PAPPA2: variants seen among roughly 807,000 people sequenced by gnomAD.
PAPPA2 encodes pappalysin 2.
Under a neutral mutation model 176.4 loss-of-function variants are expected in PAPPA2, and 86 were observed. That is an observed-to-expected ratio of 0.49 (90% CI 0.41 to 0.58). The LOEUF is 0.58. PAPPA2 is among the 20% of genes least tolerant of loss of function. The pLI is 0.00. For synonymous variants in PAPPA2, 809 were observed against 852.2 expected, an observed-to-expected ratio of 0.95 and a Z score of 0.88; for missense variants, 2,073 against 2,256.9, an observed-to-expected ratio of 0.92 and a Z score of 1.65.
chr1:176,508,412 A>G (rs1210973345), intron 1 of PAPPA2, among the ~76,000 whole-genome samples: 1 of 152,196 alleles, frequency 6.6e-6, no homozygotes, highest in African/African-American at 2.4e-5. Context: ...GAGGATAAAA[A>G]TGACATATAG....
At chr1:176,716,297 G>A (rs1661368765) in intron 12 of PAPPA2, among the ~76,000 whole-genome samples, 1 of 149,268 alleles carries the variant, frequency 6.7e-6, no homozygotes, top group South Asian at 2.1e-4. Flanking sequence ...CTGGGCTGGA[G>A]TGCAATGGCG....
intron 1 of PAPPA2, among the ~76,000 whole-genome samples, chr1:176,524,733 T>TA (rs1277091738): frequency 6.6e-6 from 1 of 152,192 alleles, no homozygotes; most frequent in Non-Finnish European, 1.5e-5. Flanking sequence ...CATAAAATGT[T>TA]ACAGCCTTGG....
chr1:176,830,847 A>G (rs1175350765), intron 21 of PAPPA2, among the ~76,000 whole-genome samples: 3 of 152,224 alleles, frequency 2.0e-5, no homozygotes, highest in Admixed American at 2.0e-4. Context: ...AAGCCTGGCA[A>G]TGAGTCCACC....
Position 176,793,683 on chromosome 1 carries a change from C to T in PAPPA2, c.5130+14C>T. The T allele has an allele frequency of 6.4e-7, 1 of 1,562,786 alleles. No individual in the cohort carries two copies. Among genetic ancestry groups the T allele is most frequent in the Non-Finnish European group, 8.8e-7 (1 of 1,139,828 alleles). On this transcript the variant is annotated intron_variant, in intron 20 of 22. Coordinates refer to ENST00000367662, the MANE Select transcript of PAPPA2 (RefSeq NM_020318.3). ...GTCAAAGTCCAGGTGAGGAAAGGGA[C>T]ATTGTTATGTGCCAAAGACATGAGT...
intron 12 of PAPPA2, among the ~76,000 whole-genome samples, chr1:176,718,686 G>T (rs1490921208): frequency 1.3e-5 from 2 of 149,852 alleles, no homozygotes; most frequent in Non-Finnish European, 1.5e-5. Context: ...AACATATGTG[G>T]ATTTGGGGTA....
intron 3 of PAPPA2, among the ~76,000 whole-genome samples, chr1:176,647,461 G>T (rs1392623408): frequency 1.3e-5 from 2 of 151,506 alleles, no homozygotes; most frequent in African/African-American, 4.8e-5. Context: ...CTGTGCCTGT[G>T]GGGTGTGACT....
chr1:176,725,854 C>T (rs568885635), intron 12 of PAPPA2, among the ~76,000 whole-genome samples: 1 of 152,306 alleles, frequency 6.6e-6, no homozygotes, highest in South Asian at 2.1e-4. Context: ...AATCTCGGCT[C>T]ACTGCAAGCT....
intron 21 of PAPPA2, among the ~76,000 whole-genome samples, chr1:176,824,720 C>G (rs545009469): frequency 6.6e-6 from 1 of 152,116 alleles, no homozygotes; most frequent in Non-Finnish European, 1.5e-5. Flanking sequence ...CCTTGGGGCA[C>G]GACCCTTTGT....
At chr1:176,819,862 T>C (rs1571375017) in intron 21 of PAPPA2, among the ~76,000 whole-genome samples, 1 of 152,218 alleles carries the variant, frequency 6.6e-6, no homozygotes, top group South Asian at 2.1e-4. Context: ...AACTAGTTTT[T>C]GCATCTCTTT....
intron 1 of PAPPA2, among the ~76,000 whole-genome samples, chr1:176,517,412 G>A (rs1420640154): frequency 3.3e-5 from 5 of 152,204 alleles, no homozygotes; most frequent in East Asian, 1.9e-4. Flanking sequence ...CCTCAGCAAC[G>A]TCAATGTCTT....
chr1:176,549,622 C>T (rs547847853), intron 1 of PAPPA2, among the ~76,000 whole-genome samples: 7 of 152,304 alleles, frequency 4.6e-5, no homozygotes, highest in African/African-American at 1.4e-4. Context: ...GGAGCTGGAA[C>T]TTTAAGCCAG....
intron 12 of PAPPA2, among the ~76,000 whole-genome samples, chr1:176,733,656 AT>A (rs1662266730): frequency 1.3e-5 from 2 of 152,140 alleles, no homozygotes; most frequent in African/African-American, 4.8e-5. Flanking sequence ...TTCTTTGCTT[AT>A]GCATTCTTGT....
At chr1:176,637,321 A>G (rs1045136824) in intron 3 of PAPPA2, among the ~76,000 whole-genome samples, 1 of 152,176 alleles carries the variant, frequency 6.6e-6, no homozygotes, top group African/African-American at 2.4e-5. Context: ...TGGCATGACC[A>G]GCATTTATTT....
chr1:176,791,276 CA>C (rs1377258174), intron 18 of PAPPA2, 70 bp from the exon 19 acceptor site: 1 of 1,231,586 alleles, frequency 8.1e-7, no homozygotes, highest in African/African-American at 1.7e-5. Context: ...ACCACTTAAT[CA>C]GACCACTTTT....
intron 17 of PAPPA2, among the ~76,000 whole-genome samples, 153 bp downstream of exon 17, chr1:176,771,333 A>G (rs1385722769): frequency 1.3e-5 from 2 of 152,200 alleles, no homozygotes; most frequent in African/African-American, 4.8e-5. Flanking sequence ...TATTCTCTCC[A>G]ATAGAAGATC....
At chr1:176,747,002 A>G (rs1244893364) in intron 14 of PAPPA2, among the ~76,000 whole-genome samples, 2 of 152,196 alleles carry the variant, frequency 1.3e-5, no homozygotes, top group African/African-American at 2.4e-5. Flanking sequence ...CAGCTGAGGA[A>G]ACTGAGACTC....
At chr1:176,544,797 C>T (rs972627972) in intron 1 of PAPPA2, among the ~76,000 whole-genome samples, 1 of 152,158 alleles carries the variant, frequency 6.6e-6, no homozygotes, top group Non-Finnish European at 1.5e-5. Context: ...TCCCATAAAC[C>T]TCCCTCTTTA....
intron 3 of PAPPA2, among the ~76,000 whole-genome samples, chr1:176,667,937 A>C (rs1658762095): frequency 6.6e-6 from 1 of 152,160 alleles, no homozygotes; most frequent in African/African-American, 2.4e-5. Flanking sequence ...GTTTGCGTGT[A>C]CATTTAGATA....
chr1:176,492,312 T>G (rs1647335606), intron 1 of PAPPA2, among the ~76,000 whole-genome samples: 1 of 152,196 alleles, frequency 6.6e-6, no homozygotes, highest in African/African-American at 2.4e-5. Context: ...TGGCCTTTAG[T>G]TTCTCCACTA....
Sources: allele counts gnomAD v4.1 joint callset (sites outside exome capture counted in the v4.1 genomes callset), GRCh38; gene constraint gnomAD v4.1.1; transcripts MANE v1.5; gene names NCBI Gene and HGNC (gene_info 2026-07-23, HGNC 2026-07-21).